Variants in TMEM131 observed in about 807,000 individuals in gnomAD.
TMEM131 encodes the protein transmembrane protein 131.
TMEM131 carries 66 observed loss-of-function variants against 211.6 expected under a neutral mutation model. That is an observed-to-expected ratio of 0.31 (90% CI 0.26 to 0.38). TMEM131 has a LOEUF of 0.38. Ranked by LOEUF, TMEM131 falls within the 10% of genes least tolerant of loss-of-function variation. The pLI, the probability that TMEM131 is intolerant of heterozygous loss-of-function variation, is 1.00. For synonymous variants in TMEM131, 844 were observed against 841.3 expected, an observed-to-expected ratio of 1.00 and a Z score of -0.06; for missense variants, 2,036 against 2,299.3, an observed-to-expected ratio of 0.89 and a Z score of 2.34.
intron 4 of TMEM131, 87 bp downstream of exon 4, chr2:97,887,965 G>GT (rs1260368929): frequency 1.9e-6 from 2 of 1,055,448 alleles, no homozygotes; most frequent in Admixed American, 2.1e-5. Flanking sequence ...CCACATAGAT[G>GT]TAACACAGGC....
intron 4 of TMEM131, among the ~76,000 whole-genome samples, chr2:97,875,332 A>G (rs1559416739): frequency 6.6e-6 from 1 of 152,206 alleles, no homozygotes. Context: ...TAACAAGGAT[A>G]TTCAGGACCT....
rs1201694526 is a variant in TMEM131 at position 97,775,937 on chromosome 2, T to C, written c.4226A>G (p.Gln1409Arg). Residue 1409 changes from glutamine (Q) to arginine (R), a missense_variant, in exon 32 of 41, where the codon CAG (glutamine) becomes CGG (arginine). Gln to Arg is a conservative substitution (Grantham distance 43, BLOSUM62 1). This residue lies in a region of TMEM131 where 1,623 missense variants were observed against 1,805.9 expected (regional missense o/e 0.90). Transcript: ENST00000186436. ...CAAAGAGTCCTTCAGCTCATCTTCC[T>C]GTGGCTTTCCCTTTCCCTTCTTCTC... The part of the protein sequence containing the change: ...EKEKKGKGKP[Q>R]EDELKDSLAD... The C allele has an allele frequency of 2.5e-6, 4 of 1,613,884 alleles. No individual in the cohort carries two copies. The highest frequency in any genetic ancestry group is 1.1e-5 in the South Asian group (1 of 91,076).
intron 1 of TMEM131, among the ~76,000 whole-genome samples, chr2:97,958,738 T>C (rs964875226): frequency 6.6e-6 from 1 of 152,208 alleles, no homozygotes; most frequent in Admixed American, 6.5e-5. Flanking sequence ...AACAATGAGC[T>C]ATGCAAGGAA....
chr2:97,773,317 A>G (rs1679554802), intron 32 of TMEM131, among the ~76,000 whole-genome samples: 1 of 152,150 alleles, frequency 6.6e-6, no homozygotes, highest in Non-Finnish European at 1.5e-5. Flanking sequence ...TAGGATTACC[A>G]AGAGGGCCCA....
chr2:97,955,603 G>C (rs1240245980), intron 1 of TMEM131, among the ~76,000 whole-genome samples: 5 of 151,900 alleles, frequency 3.3e-5, no homozygotes, highest in Non-Finnish European at 7.4e-5. Context: ...CAAGGAAGCA[G>C]GATATAAGAT....
chr2:97,993,162 G>A (rs1440782507), intron 1 of TMEM131, among the ~76,000 whole-genome samples: 1 of 152,302 alleles, frequency 6.6e-6, no homozygotes, highest in East Asian at 1.9e-4. Context: ...TGAAGGAAAA[G>A]AAATACAAAC....
At chr2:97,793,610 A>G in intron 29 of TMEM131, 57 bp from the exon 30 acceptor site, 1 of 1,501,880 alleles carries the variant, frequency 6.7e-7, no homozygotes, top group African/African-American at 1.4e-5. Context: ...GACAAGCAAC[A>G]AAATTCGATG....
At chr2:97,780,358 T>C (rs969626518) in intron 31 of TMEM131, among the ~76,000 whole-genome samples, 1 of 152,142 alleles carries the variant, frequency 6.6e-6, no homozygotes, top group Admixed American at 6.5e-5. Flanking sequence ...CCACTGCCAC[T>C]CCCTGAGCCC....
At chr2:97,976,559 A>G (rs1192818788) in intron 1 of TMEM131, among the ~76,000 whole-genome samples, 2 of 152,212 alleles carry the variant, frequency 1.3e-5, no homozygotes, top group Admixed American at 1.3e-4. Context: ...AAAACTAAAT[A>G]CTGTTAAGAA....
intron 4 of TMEM131, among the ~76,000 whole-genome samples, chr2:97,865,100 C>A (rs1215632857): frequency 6.6e-6 from 1 of 152,254 alleles, no homozygotes; most frequent in Non-Finnish European, 1.5e-5. Flanking sequence ...AACTGGGGCT[C>A]TCCATTTTGG....
At chr2:97,849,012 A>T (rs1683575194) in intron 5 of TMEM131, among the ~76,000 whole-genome samples, 1 of 152,190 alleles carries the variant, frequency 6.6e-6, no homozygotes, top group Non-Finnish European at 1.5e-5. Flanking sequence ...AACTGAACAG[A>T]CACTTCACCA....
chr2:97,953,894 A>G (rs895211198), intron 1 of TMEM131, among the ~76,000 whole-genome samples: 1 of 152,346 alleles, frequency 6.6e-6, no homozygotes, highest in Non-Finnish European at 1.5e-5. Flanking sequence ...AACATAACAC[A>G]AAAATCTTCA....
chr2:97,793,181 A>C, intron 30 of TMEM131, 197 bp from the exon 31 acceptor site: 1 of 644,172 alleles, frequency 1.6e-6, no homozygotes, highest in Non-Finnish European at 2.6e-6. Context: ...CAGTGATCTA[A>C]CTAAAAGTAT....
intron 7 of TMEM131, among the ~76,000 whole-genome samples, chr2:97,838,277 T>C (rs1383758181): frequency 2.0e-5 from 3 of 152,062 alleles, no homozygotes; most frequent in African/African-American, 7.2e-5. Context: ...TAACCCTAAT[T>C]CTTAAAAAGA....
At chr2:97,957,502 G>A (rs1455628175) in intron 1 of TMEM131, among the ~76,000 whole-genome samples, 1 of 151,988 alleles carries the variant, frequency 6.6e-6, no homozygotes, top group African/African-American at 2.4e-5. Flanking sequence ...ATACTATTTT[G>A]GTGCTGACCA....
In TMEM131 at chr2:97,801,793, C is replaced by A. The variant is rs973474947; in HGVS notation, c.2718+102G>T. ...TGCTCTGACTTCTTCAGTAACTTACCCTTCAGCCAAATTTAAGAGTAGCCA... is the reference window on the plus strand; with the variant it reads ...TGCTCTGACTTCTTCAGTAACTTACACTTCAGCCAAATTTAAGAGTAGCCA... On this transcript the variant is annotated intron_variant, in intron 25 of 40. Transcript: ENST00000186436. The A allele has an allele frequency of 4.1e-5, 33 of 806,366 alleles. 1 individual carries two copies. Among genetic ancestry groups the A allele is most frequent in the South Asian group, 1.6e-4 (7 of 42,732 alleles). 50.0% of individuals were successfully genotyped at this position (806,366 alleles called of 1,614,324 possible).
chr2:97,957,534 C>T (rs541546487), intron 1 of TMEM131, among the ~76,000 whole-genome samples: 1 of 152,082 alleles, frequency 6.6e-6, no homozygotes, highest in East Asian at 1.9e-4. Flanking sequence ...CAGAAAGTAC[C>T]AGCTAACTCA....
At chr2:97,977,963 TG>T (rs1679617003) in intron 1 of TMEM131, among the ~76,000 whole-genome samples, 1 of 152,078 alleles carries the variant, frequency 6.6e-6, no homozygotes, top group South Asian at 2.1e-4. Flanking sequence ...GGGGGGCGCC[TG>T]CAATCCCAGC....
intron 5 of TMEM131, among the ~76,000 whole-genome samples, chr2:97,846,064 AT>A (rs1337100921): frequency 2.6e-5 from 4 of 152,216 alleles, no homozygotes; most frequent in African/African-American, 9.7e-5. Flanking sequence ...TTAAAATTTA[AT>A]TTGTGGTTTA....
Sources: allele counts gnomAD v4.1 joint callset (sites outside exome capture counted in the v4.1 genomes callset), GRCh38; gene constraint gnomAD v4.1.1; regional missense constraint gnomAD v4.1.1; transcripts MANE v1.5; gene names NCBI Gene and HGNC (gene_info 2026-07-23, HGNC 2026-07-21).